POLR1A: variants seen among roughly 807,000 people sequenced by gnomAD.
The protein encoded by POLR1A is RNA polymerase I subunit A.
Under a neutral mutation model 205.3 loss-of-function variants are expected in POLR1A, and 84 were observed. That is an observed-to-expected ratio of 0.41 (90% CI 0.34 to 0.49). The LOEUF (loss-of-function observed/expected upper bound fraction) is 0.49, where lower values mean the gene tolerates loss of function less well. Ranked by LOEUF, POLR1A falls within the 20% of genes least tolerant of loss-of-function variation. The pLI is 0.22. For missense variants in POLR1A, 1,645 were observed against 2,204.5 expected, an observed-to-expected ratio of 0.75 and a Z score of 5.08; for synonymous variants, 799 against 863.7, an observed-to-expected ratio of 0.93 and a Z score of 1.31.
rs773070807 is a variant in POLR1A, at chr2:86,088,684, A to C, written c.627-15T>G. ...ATCGCCCGGTCCTGTGCAGGAGGAC[A>C]GTTGTGATTGAAGAGAGAAAAAACC... On this transcript the variant is annotated splice_polypyrimidine_tract_variant and intron_variant, in intron 5 of 33. Coordinates refer to ENST00000263857, the MANE Select transcript of POLR1A (RefSeq NM_015425.6). The C allele has an allele frequency of 6.2e-7, 1 of 1,609,576 alleles. No individual in the cohort carries two copies. The highest frequency in any genetic ancestry group is 1.1e-5 in the South Asian group (1 of 91,002).
chr2:86,034,469 G>C (rs1429356771), intron 27 of POLR1A, among the ~76,000 whole-genome samples: 2 of 152,188 alleles, frequency 1.3e-5, no homozygotes, highest in African/African-American at 2.4e-5. Context: ...CAATTTAAAA[G>C]AACCAACCTG....
At chr2:86,099,578 C>G (rs964735512) in intron 2 of POLR1A, among the ~76,000 whole-genome samples, 2 of 152,042 alleles carry the variant, frequency 1.3e-5, no homozygotes, top group African/African-American at 4.8e-5. Flanking sequence ...ACACAAGTGC[C>G]TATAGAGACA....
chr2:86,079,820 C>G (rs769518885), intron 9 of POLR1A, among the ~76,000 whole-genome samples: 2 of 152,122 alleles, frequency 1.3e-5, no homozygotes, highest in Non-Finnish European at 2.9e-5. Context: ...CCTCAGCCTC[C>G]CAAAGTGCTG....
In POLR1A at chr2:86,020,441, G is replaced by C. The variant is rs1294511583; in HGVS notation, c.*6982C>G. ...TGTGTGCCTGTAGTCCCAGTTACTT[G>C]GAAGGCTGCGGTGGGAGGGTTGCTT... On this transcript the variant is annotated 3_prime_UTR_variant, in exon 34 of 34. Coordinates refer to ENST00000263857, the MANE Select transcript of POLR1A (RefSeq NM_015425.6). The C allele has an allele frequency of 6.6e-6, 1 of 151,290 alleles. No individual in the cohort carries two copies. The highest frequency in any genetic ancestry group is 1.5e-5 in the Non-Finnish European group (1 of 67,956). The allele number at this position is 151,290 out of a possible 1,614,324, so 9.4% of individuals were successfully genotyped here.
chr2:86,044,728 G>A (rs1280012100), intron 21 of POLR1A, among the ~76,000 whole-genome samples: 1 of 152,216 alleles, frequency 6.6e-6, no homozygotes, highest in African/African-American at 2.4e-5. Flanking sequence ...GGATTGCCAA[G>A]GACACTAAGG....
Position 86,028,569 on chromosome 2 carries a change from G to T in POLR1A, c.4897+25C>A. On this transcript the variant is annotated intron_variant, in intron 32 of 33. Coordinates refer to ENST00000263857, the MANE Select transcript of POLR1A (RefSeq NM_015425.6). The surrounding 1 kb of genome is among the most constrained non-coding windows in gnomAD (Gnocchi z 4.5). ...GTCCTGGCTGGTGCCCAGACCTCGGGGTGTTATCTGCAAGCTCCCCTTACC... is the reference window on the plus strand; with the variant it reads ...GTCCTGGCTGGTGCCCAGACCTCGGTGTGTTATCTGCAAGCTCCCCTTACC... 1 of 1,546,292 alleles carries T rather than the reference G, an allele frequency of 6.5e-7. No individual in the cohort carries two copies. Among genetic ancestry groups the T allele is most frequent in the Non-Finnish European group, 8.9e-7 (1 of 1,118,176 alleles).
intron 14 of POLR1A, among the ~76,000 whole-genome samples, chr2:86,056,346 G>A (rs944984845): frequency 1.3e-5 from 2 of 151,976 alleles, no homozygotes; most frequent in Non-Finnish European, 2.9e-5. Context: ...CAGCTACTCG[G>A]GAGGCTGAGG....
At chr2:86,040,678 GT>G in intron 24 of POLR1A, 119 bp from the exon 25 acceptor site, 2 of 746,106 alleles carry the variant, frequency 2.7e-6, no homozygotes, top group Non-Finnish European at 4.1e-6. Context: ...TTCTGGACTC[GT>G]TTTTCCTAGG....
intron 24 of POLR1A, among the ~76,000 whole-genome samples, chr2:86,041,192 C>T (rs9309629): frequency 0.23 from 8,083 of 35,792 alleles, 326 homozygotes; most frequent in African/African-American, 0.35. Flanking sequence ...TGTGTGTGTG[C>T]GCGCTGAGCT....
chr2:86,056,194 G>A (rs1362420456), intron 14 of POLR1A, among the ~76,000 whole-genome samples: 1 of 152,096 alleles, frequency 6.6e-6, no homozygotes, highest in Non-Finnish European at 1.5e-5. Flanking sequence ...GCTCACACCT[G>A]TAATCCCAGC....
chr2:86,054,194 C>T lies in POLR1A; in HGVS notation c.2154G>A (p.Lys718=), dbSNP rs1315578070. Residue 718 remains lysine (K), a synonymous_variant, in exon 15 of 34, where the codon AAG becomes AAA. Transcript: ENST00000263857. ...AGCCAGGAACGGATCGAGGAGTTTC[C>T]TTCACCCAGGCTTTCCCAGTGATTT... is the stretch of plus-strand genomic sequence containing the variant. ...KAKITGKAWV[K]ETPRSVPGFN... 4 of 1,613,980 alleles carry T rather than the reference C, an allele frequency of 2.5e-6. No individual in the cohort carries two copies. Among genetic ancestry groups the T allele is most frequent in the Non-Finnish European group, 3.4e-6 (4 of 1,179,870 alleles).
At chr2:86,087,772 A>G (rs953120690) in intron 6 of POLR1A, among the ~76,000 whole-genome samples, 2 of 152,060 alleles carry the variant, frequency 1.3e-5, no homozygotes, top group African/African-American at 4.8e-5. Flanking sequence ...TGAACTCCAG[A>G]CCTCAAGTGA....
intron 19 of POLR1A, among the ~76,000 whole-genome samples, chr2:86,046,910 C>T (rs189137654): frequency 2.0e-3 from 302 of 152,236 alleles, no homozygotes; most frequent in Non-Finnish European, 3.4e-3. Context: ...ATCTATATAA[C>T]GTGAATATAT....
chr2:86,041,866 G>A (rs1010302411), intron 24 of POLR1A, 23 bp downstream of exon 24: 1 of 1,593,424 alleles, frequency 6.3e-7, no homozygotes, highest in African/African-American at 1.3e-5. Context: ...TGCACATGTT[G>A]TGCAACAAAT....
intron 26 of POLR1A, 170 bp from the exon 27 acceptor site, chr2:86,039,027 C>T: frequency 1.5e-6 from 1 of 669,990 alleles, no homozygotes; most frequent in East Asian, 2.7e-5. Flanking sequence ...GGGGGGCCCA[C>T]AGCCTGCAGT....
chr2:86,080,721 G>A lies in POLR1A; in HGVS notation c.1086+95C>T, dbSNP rs1311258763. ...GCTGCCAGCTGCACAGAACATCCCAGGAAGCATCTCCCAGACCCAGTGTCT... is the reference window on the plus strand; with the variant it reads ...GCTGCCAGCTGCACAGAACATCCCAAGAAGCATCTCCCAGACCCAGTGTCT... On this transcript the variant is annotated intron_variant, in intron 9 of 33. Transcript: ENST00000263857. 4.8e-6 allele frequency: 6 copies of A among 1,246,698 alleles called. No individual in the cohort carries two copies. The South Asian group carries it at 9.2e-5, about 19-fold the overall frequency. The allele number at this position is 1,246,698 out of a possible 1,614,324, so 77.2% of individuals were successfully genotyped here. A position where few individuals can be genotyped will look rare whatever the true frequency, so the allele number is the denominator to read the frequency against.
chr2:86,094,720 C>A (rs988064303), intron 3 of POLR1A, among the ~76,000 whole-genome samples: 2 of 152,228 alleles, frequency 1.3e-5, no homozygotes, highest in African/African-American at 4.8e-5. Context: ...ACTCTCTTCT[C>A]TGATAGTTAA....
intron 12 of POLR1A, among the ~76,000 whole-genome samples, chr2:86,071,220 CCGTGTGCATG>C (rs1425965662): frequency 0.022 from 319 of 14,752 alleles, no homozygotes; most frequent in Non-Finnish European, 0.032. Context: ...CTCTCTCTCT[CCGTGTGCATG>C]TGTGTGTGTG....
intron 15 of POLR1A, among the ~76,000 whole-genome samples, chr2:86,053,220 C>A (rs1672837341): frequency 6.6e-6 from 1 of 151,900 alleles, no homozygotes; most frequent in East Asian, 1.9e-4. Flanking sequence ...ATATACAGAC[C>A]AGCAGTTTTT....
Sources: allele counts gnomAD v4.1 joint callset (sites outside exome capture counted in the v4.1 genomes callset), GRCh38; gene constraint gnomAD v4.1.1; non-coding constraint Gnocchi (gnomAD v3.1); transcripts MANE v1.5; gene names NCBI Gene and HGNC (gene_info 2026-07-23, HGNC 2026-07-21).